The following CELF4 variants were observed in gnomAD, a reference collection of about 807,000 sequenced individuals.
CELF4 encodes the protein CUGBP Elav-like family member 4, also known as CUG-BP- and ETR-3-like factor 4.
A neutral mutation model predicts 59.9 loss-of-function variants in CELF4; 18 were observed. That is an observed-to-expected ratio of 0.30 (90% CI 0.21 to 0.45). CELF4 has a LOEUF of 0.45. Ranked by LOEUF, CELF4 falls within the 20% of genes least tolerant of loss-of-function variation. The pLI is 1.00. For synonymous variants in CELF4, 261 were observed against 267.1 expected, an observed-to-expected ratio of 0.98 and a Z score of 0.22; for missense variants, 456 against 689.0, an observed-to-expected ratio of 0.66 and a Z score of 3.79.
chr18:37,485,380 T>TC, intron 2 of CELF4, 145 bp downstream of exon 2: 1 of 208,952 alleles, frequency 4.8e-6, no homozygotes, highest in Non-Finnish European at 8.1e-6. Context: ...GCCCAGGGAT[T>TC]TGGGGGGGCG....
intron 1 of CELF4, among the ~76,000 whole-genome samples, chr18:37,551,049 G>T (rs1240650968): frequency 6.6e-6 from 1 of 152,174 alleles, no homozygotes; most frequent in African/African-American, 2.4e-5. Context: ...TGGTGGCCTG[G>T]GGGTTGGGGT....
chr18:37,443,511 T>C (rs1206913026), intron 2 of CELF4, among the ~76,000 whole-genome samples: 2 of 152,062 alleles, frequency 1.3e-5, no homozygotes, highest in Non-Finnish European at 2.9e-5. Context: ...GCCGAAGTGT[T>C]TTGGCAGAGG....
intron 2 of CELF4, among the ~76,000 whole-genome samples, chr18:37,402,333 C>T (rs973458705): frequency 3.3e-5 from 5 of 152,338 alleles, no homozygotes; most frequent in Middle Eastern, 6.8e-3. Flanking sequence ...CAAGGATGCT[C>T]GCTCTTGCTC....
At chr18:37,405,146 G>C (rs1312394331) in intron 2 of CELF4, among the ~76,000 whole-genome samples, 1 of 151,812 alleles carries the variant, frequency 6.6e-6, no homozygotes, top group Non-Finnish European at 1.5e-5. Flanking sequence ...ATTCCTCATA[G>C]GACATGTTTT....
rs59169669 is a variant in CELF4 at position 37,547,160 on chromosome 18, G to GGTGTGTGTGTGTGTGTGT, written c.286+18178_286+18195dup. ...GCTTAGTGTATGTGTGTGTGTGTGTGGTGTGTGTGTGTGTGTGTGTGTGTG... is the reference window on the plus strand; with the variant it reads ...GCTTAGTGTATGTGTGTGTGTGTGTGGTGTGTGTGTGTGTGTGTGTGTGTGTGTGTGTGTGTGTGTGTG... On this transcript the variant is annotated intron_variant, in intron 1 of 12. Transcript: ENST00000420428. Among the ~76,000 whole-genome samples, 459 of 144,228 alleles carry GGTGTGTGTGTGTGTGTGT rather than the reference G, an allele frequency of 3.2e-3. 3 individuals carry two copies. The highest frequency in any genetic ancestry group is 0.021 in the South Asian group (92 of 4,306). 94.6% of individuals were successfully genotyped at this position (144,228 alleles called of 152,430 possible).
chr18:37,283,091 T>G (rs2094342561), intron 3 of CELF4, among the ~76,000 whole-genome samples: 1 of 151,994 alleles, frequency 6.6e-6, no homozygotes, highest in Non-Finnish European at 1.5e-5. Context: ...TCTGCTTGGC[T>G]TCCTCCGGTC....
At chr18:37,274,100 C>A (rs2092479618) in intron 6 of CELF4, 2 of 1,386,858 alleles carry the variant, frequency 1.4e-6, no homozygotes, top group Non-Finnish European at 1.9e-6. Flanking sequence ...CAGCAGCCCA[C>A]CTCCTCCTGG....
intron 2 of CELF4, among the ~76,000 whole-genome samples, chr18:37,369,811 G>A (rs955858800): frequency 5.9e-5 from 9 of 152,214 alleles, no homozygotes; most frequent in Admixed American, 4.6e-4. Flanking sequence ...GCTCATCTCT[G>A]TGTTCATACT....
chr18:37,317,184 C>G (rs376696919), intron 3 of CELF4, among the ~76,000 whole-genome samples: 35 of 152,300 alleles, frequency 2.3e-4, no homozygotes, highest in African/African-American at 8.2e-4. Context: ...GTCAGGAGTT[C>G]AAGACCAGCC....
chr18:37,430,510 C>T (rs938431982), intron 2 of CELF4, among the ~76,000 whole-genome samples: 1 of 152,162 alleles, frequency 6.6e-6, no homozygotes, highest in Non-Finnish European at 1.5e-5. Context: ...GTGTGTAGCG[C>T]AGTAACAGGC....
intron 1 of CELF4, among the ~76,000 whole-genome samples, chr18:37,508,457 A>G (rs537181646): frequency 6.6e-6 from 1 of 152,258 alleles, no homozygotes; most frequent in South Asian, 2.1e-4. Context: ...CTCATCACAC[A>G]CTCAGCAGCT....
intron 1 of CELF4, among the ~76,000 whole-genome samples, chr18:37,558,475 G>T (rs1389779475): frequency 1.4e-5 from 2 of 145,386 alleles, no homozygotes; most frequent in African/African-American, 5.2e-5. Flanking sequence ...GCCCCACTTT[G>T]GGGTTTAGGT....
chr18:37,553,739 G>T (rs1282344795), intron 1 of CELF4, among the ~76,000 whole-genome samples: 1 of 152,154 alleles, frequency 6.6e-6, no homozygotes, highest in Non-Finnish European at 1.5e-5. Context: ...CCCCACCCGC[G>T]CAGGGAGCTG....
At chr18:37,480,773 A>C (rs1364470395) in intron 2 of CELF4, among the ~76,000 whole-genome samples, 1 of 152,070 alleles carries the variant, frequency 6.6e-6, no homozygotes, top group Non-Finnish European at 1.5e-5. Flanking sequence ...AGGATAAAAG[A>C]AGAAAGTGTT....
intron 2 of CELF4, among the ~76,000 whole-genome samples, chr18:37,390,781 A>C: frequency 3.8e-5 from 2 of 52,034 alleles, no homozygotes; most frequent in Non-Finnish European, 6.7e-5. Context: ...GTGGACGGGA[A>C]GGCTGGTGGT....
At position 37,490,886 on chromosome 18, in the gene CELF4, C is replaced by T. The variant is rs116394585; in HGVS notation, c.287-5279G>A. Among the ~76,000 whole-genome samples, 691 of 152,252 alleles carry T rather than the reference C, an allele frequency of 4.5e-3. 6 individuals carry two copies. The highest frequency in any genetic ancestry group is 0.016 in the African/African-American group (656 of 41,544). ...GCCCCACTGTCTGGGATGGTTCTCC[C>T]GGCACCAGCTCATAATGGAGTCTAC... On this transcript the variant is annotated intron_variant, in intron 1 of 12. Coordinates refer to ENST00000420428, the MANE Select transcript of CELF4 (RefSeq NM_020180.4).
At chr18:37,550,083 T>TAG (rs757179608) in intron 1 of CELF4, among the ~76,000 whole-genome samples, 1 of 64,748 alleles carries the variant, frequency 1.5e-5, no homozygotes, top group Non-Finnish European at 3.5e-5. Flanking sequence ...GTCCAATGGG[T>TAG]GGGGGGGGGG....
intron 3 of CELF4, among the ~76,000 whole-genome samples, chr18:37,299,012 T>C (rs2095843434): frequency 6.6e-6 from 1 of 152,176 alleles, no homozygotes. Context: ...TGTGGAACAA[T>C]TCAATGGAAG....
At chr18:37,351,882 CTGGGATTACAGGCG>C (rs1052717211) in intron 2 of CELF4, among the ~76,000 whole-genome samples, 4 of 152,094 alleles carry the variant, frequency 2.6e-5, no homozygotes, top group African/African-American at 9.7e-5. Flanking sequence ...TCCCAAAGTG[CTGGGATTACAGGCG>C]TGAGCCACCA....
Sources: gnomAD v4.1 joint callset for allele counts (sites outside exome capture counted in the v4.1 genomes callset) on GRCh38, gnomAD v4.1.1 for gene constraint, MANE v1.5 for transcripts, NCBI Gene and HGNC (gene_info 2026-07-23, HGNC 2026-07-21) for gene names.